Variants in CSMD1 observed in about 807,000 individuals in gnomAD.
CSMD1 encodes CUB and sushi domain-containing protein 1.
In CSMD1, 213 loss-of-function variants were observed where a neutral mutation model predicts 417.5. The observed-to-expected ratio is 0.51, with a 90% CI of 0.46 to 0.57. The LOEUF is 0.57. Among genes scored for constraint, CSMD1 ranks in the 20% least tolerant of loss-of-function variants. The pLI, the probability that CSMD1 is intolerant of heterozygous loss-of-function variation, is 0.00. For synonymous variants in CSMD1, 2,862 were observed against 1,736.8 expected (o/e 1.65, Z -16.11); for missense variants, 6,923 against 4,529.7 (o/e 1.53, Z -15.17).
chr8:4,475,562 T>A (rs1800755464), intron 2 of CSMD1, among the ~76,000 whole-genome samples: 1 of 152,154 alleles, frequency 6.6e-6, no homozygotes, highest in Admixed American at 6.5e-5. Context: ...CCTATACGTC[T>A]TAAATACCAC....
intron 54 of CSMD1, among the ~76,000 whole-genome samples, chr8:2,995,352 A>G (rs2128951231): frequency 6.6e-6 from 1 of 152,334 alleles, no homozygotes; most frequent in South Asian, 2.1e-4. Flanking sequence ...AGCTATCACC[A>G]CACATCTATC....
chr8:3,918,170 G>A (rs1304701209), intron 5 of CSMD1, among the ~76,000 whole-genome samples: 23 of 152,084 alleles, frequency 1.5e-4, no homozygotes, highest in Non-Finnish European at 4.4e-5. Flanking sequence ...GTGAAAGTGT[G>A]TGTTCAAAAT....
intron 3 of CSMD1, among the ~76,000 whole-genome samples, chr8:4,206,985 T>C (rs893646484): frequency 6.6e-6 from 1 of 152,184 alleles, no homozygotes; most frequent in Non-Finnish European, 1.5e-5. Flanking sequence ...AAATTATAAA[T>C]CTATAAAAAT....
At chr8:3,122,355 C>T (rs529315918) in intron 41 of CSMD1, among the ~76,000 whole-genome samples, 27 of 152,222 alleles carry the variant, frequency 1.8e-4, no homozygotes, top group African/African-American at 5.1e-4. Flanking sequence ...GGAACTACTG[C>T]GTTGATTAGA....
intron 2 of CSMD1, among the ~76,000 whole-genome samples, chr8:4,493,134 GA>G (rs1801793334): frequency 6.6e-6 from 1 of 152,136 alleles, no homozygotes; most frequent in African/African-American, 2.4e-5. Context: ...GGTACCGTAA[GA>G]AGACTAGATT....
intron 12 of CSMD1, among the ~76,000 whole-genome samples, chr8:3,421,915 G>T (rs369013466): frequency 1.4e-5 from 2 of 147,842 alleles, no homozygotes; most frequent in Admixed American, 1.3e-4. Context: ...TGGGATTACA[G>T]GCGTGAGCCA....
intron 5 of CSMD1, among the ~76,000 whole-genome samples, chr8:3,869,345 T>G (rs1452705823): frequency 6.6e-6 from 1 of 152,200 alleles, no homozygotes; most frequent in African/African-American, 2.4e-5. Flanking sequence ...CTATACTATA[T>G]CCTGTATAAT....
chr8:3,239,609 G>C (rs890976308), intron 26 of CSMD1, among the ~76,000 whole-genome samples: 15 of 152,228 alleles, frequency 9.9e-5, no homozygotes, highest in African/African-American at 3.6e-4. Context: ...TAGAATAGCA[G>C]ATGGAATACT....
At chr8:3,173,467 T>C (rs574069847) in intron 37 of CSMD1, among the ~76,000 whole-genome samples, 9 of 152,340 alleles carry the variant, frequency 5.9e-5, no homozygotes, top group African/African-American at 9.6e-5. Context: ...CAGGAATGCA[T>C]TGTTTGTGGC....
chr8:3,690,512 G>A lies in CSMD1; in HGVS notation c.1009+17902C>T, dbSNP rs62474719. On this transcript the variant is annotated intron_variant, in intron 7 of 69. Coordinates refer to ENST00000635120, the MANE Select transcript of CSMD1 (RefSeq NM_033225.6). ...ACAATGTCTGTACTAACTAGGGGAC[G>A]CCTCCCAAATAGACTGTTAGTCATC... Among the ~76,000 whole-genome samples the A allele has an allele frequency of 6.6e-5, 10 of 152,276 alleles. No homozygotes were observed. In the South Asian group the frequency reaches 1.9e-3, roughly 28 times the overall value.
intron 5 of CSMD1, among the ~76,000 whole-genome samples, chr8:3,930,690 A>T (rs892475859): frequency 4.7e-5 from 7 of 150,274 alleles, no homozygotes; most frequent in African/African-American, 1.7e-4. Context: ...TGGCAAGTGT[A>T]CCCTTTCTGC....
At chr8:3,020,725 C>T (rs767474246) in intron 51 of CSMD1, among the ~76,000 whole-genome samples, 2 of 152,064 alleles carry the variant, frequency 1.3e-5, no homozygotes, top group African/African-American at 4.8e-5. Context: ...GACAGAGACA[C>T]CCAGACTGAG....
intron 3 of CSMD1, among the ~76,000 whole-genome samples, chr8:4,160,644 T>A (rs987645925): frequency 6.6e-6 from 1 of 152,240 alleles, no homozygotes; most frequent in Non-Finnish European, 1.5e-5. Flanking sequence ...CTGGAAGTCT[T>A]TGTACTTGTG....
chr8:3,683,822 C>A (rs79819891), intron 7 of CSMD1, among the ~76,000 whole-genome samples: 2 of 151,938 alleles, frequency 1.3e-5, no homozygotes, highest in Non-Finnish European at 2.9e-5. Flanking sequence ...CCAATGTTTG[C>A]GTAATCATTC....
rs372123900 is a variant in CSMD1, at chr8:3,115,997, G to A, written c.6430+2402C>T. 6.6e-5 allele frequency among the ~76,000 whole-genome samples: 10 copies of A among 152,146 alleles called. No individual in the cohort carries two copies. The East Asian group carries it at 1.3e-3, about 21-fold the overall frequency. On this transcript the variant is annotated intron_variant, in intron 42 of 69. Coordinates refer to ENST00000635120, the MANE Select transcript of CSMD1 (RefSeq NM_033225.6). The stretch of plus-strand genomic sequence containing the variant: ...AATACATGTTACATGAAGATACTGG[G>A]TTGTCAGCAGTGTTTACCGCTGTCT...
chr8:3,714,013 G>A (rs1354269629), intron 6 of CSMD1, among the ~76,000 whole-genome samples: 1 of 125,870 alleles, frequency 7.9e-6, no homozygotes, highest in Admixed American at 8.7e-5. Context: ...AGAATTGCAA[G>A]GGCTCACTAT....
At chr8:4,695,467 T>C (rs1220476703) in intron 1 of CSMD1, among the ~76,000 whole-genome samples, 1 of 152,242 alleles carries the variant, frequency 6.6e-6, no homozygotes, top group African/African-American at 2.4e-5. Flanking sequence ...GACTCAGTTG[T>C]TGCCTCTCCT....
At chr8:3,586,595 T>G (rs1199943361) in intron 8 of CSMD1, among the ~76,000 whole-genome samples, 1 of 152,134 alleles carries the variant, frequency 6.6e-6, no homozygotes. Context: ...TGAAGAAATT[T>G]TGTACCCTGA....
At chr8:4,045,107 C>T (rs752650860) in intron 3 of CSMD1, among the ~76,000 whole-genome samples, 23 of 152,262 alleles carry the variant, frequency 1.5e-4, no homozygotes, top group African/African-American at 4.6e-4. Context: ...CAGGGAGACA[C>T]TGAACATGGC....
Sources: allele counts gnomAD v4.1 joint callset (sites outside exome capture counted in the v4.1 genomes callset), GRCh38; gene constraint gnomAD v4.1.1; transcripts MANE v1.5; gene names NCBI Gene and HGNC (gene_info 2026-07-23, HGNC 2026-07-21).